Variants in RIMBP2 observed in about 807,000 individuals in gnomAD.
RIMBP2 encodes the protein RIMS binding protein 2, also known as RIMS-binding protein 2.
Under a neutral mutation model 118.6 loss-of-function variants are expected in RIMBP2, and 48 were observed. The observed-to-expected ratio is 0.40, with a 90% CI of 0.32 to 0.51. The LOEUF is 0.51. Among genes scored for constraint, RIMBP2 ranks in the 20% least tolerant of loss-of-function variants. The pLI is 0.41. For synonymous variants in RIMBP2, 762 were observed against 742.9 expected (o/e 1.03, Z -0.42); for missense variants, 1,551 against 1,768.3 (o/e 0.88, Z 2.20).
chr12:130,534,946 AT>A, intron 2 of RIMBP2, among the ~76,000 whole-genome samples: 1 of 152,298 alleles, frequency 6.6e-6, no homozygotes, highest in African/African-American at 2.4e-5. Context: ...GGCCACTATT[AT>A]TTTTGAAGTG....
chr12:130,534,823 C>A (rs2053841730), intron 2 of RIMBP2, among the ~76,000 whole-genome samples: 1 of 152,216 alleles, frequency 6.6e-6, no homozygotes, highest in Non-Finnish European at 1.5e-5. Context: ...TGAAGATCAT[C>A]CATGGTGGTT....
chr12:130,650,057 C>T (rs1228005059), intron 1 of RIMBP2, among the ~76,000 whole-genome samples: 1 of 151,980 alleles, frequency 6.6e-6, no homozygotes, highest in East Asian at 1.9e-4. Context: ...TGAGGACCTG[C>T]TCCTCCAGTG....
chr12:130,597,162 A>G (rs2059610637), intron 2 of RIMBP2, among the ~76,000 whole-genome samples: 1 of 152,280 alleles, frequency 6.6e-6, no homozygotes, highest in Admixed American at 6.5e-5. Context: ...ACTATGACTC[A>G]TAAACAAAAA....
intron 1 of RIMBP2, among the ~76,000 whole-genome samples, chr12:130,691,555 C>T (rs1291291974): frequency 6.6e-6 from 1 of 152,120 alleles, no homozygotes; most frequent in East Asian, 1.9e-4. Context: ...ACTGGAATCC[C>T]AGCTACTTGG....
chr12:130,423,879 G>A (rs868038695), intron 16 of RIMBP2, among the ~76,000 whole-genome samples: 2 of 152,028 alleles, frequency 1.3e-5, no homozygotes, highest in African/African-American at 4.8e-5. Flanking sequence ...TTTAGATTCA[G>A]TTGTCCTTTA....
rs374636495 is a variant in RIMBP2, at chr12:130,442,699, C to G, written c.692-39G>C. The G allele has an allele frequency of 1.9e-6, 3 of 1,557,940 alleles. No homozygotes were observed. The Admixed American group carries it at 5.2e-5, about 27-fold the overall frequency. On this transcript the variant is annotated intron_variant, in intron 10 of 22. Coordinates refer to ENST00000690449, the MANE Select transcript of RIMBP2 (RefSeq NM_001393629.1). The surrounding 1 kb of genome is among the most constrained non-coding windows in gnomAD (Gnocchi z 6.9). ...GGACAGAGTTATCACCCAGCCAACA[C>G]AGCAGGGGCCTCGAGGCCCCCAGTG...
At chr12:130,480,505 C>A (rs1364633660) in intron 4 of RIMBP2, among the ~76,000 whole-genome samples, 1 of 152,252 alleles carries the variant, frequency 6.6e-6, no homozygotes, top group Admixed American at 6.5e-5. Context: ...GGGGGACCCA[C>A]ACGCCTTCCT....
At chr12:130,686,827 G>C (rs997164795) in intron 1 of RIMBP2, among the ~76,000 whole-genome samples, 7 of 152,204 alleles carry the variant, frequency 4.6e-5, no homozygotes, top group Non-Finnish European at 7.3e-5. Context: ...AAAAGGTGTC[G>C]AGGCGGGAAG....
At chr12:130,472,909 A>G (rs1054599376) in intron 5 of RIMBP2, among the ~76,000 whole-genome samples, 1 of 152,198 alleles carries the variant, frequency 6.6e-6, no homozygotes, top group African/African-American at 2.4e-5. Context: ...TCGAAGGCCG[A>G]AAACTGTTCC....
chr12:130,421,321 C>T (rs923115113), intron 17 of RIMBP2, among the ~76,000 whole-genome samples: 3 of 152,184 alleles, frequency 2.0e-5, no homozygotes, highest in African/African-American at 7.2e-5. Flanking sequence ...TTTTATTACT[C>T]AGTTAACTGA....
intron 16 of RIMBP2, among the ~76,000 whole-genome samples, chr12:130,423,656 CAAAAAAAA>C (rs36000671): frequency 2.0e-5 from 1 of 50,130 alleles, no homozygotes; most frequent in African/African-American, 8.0e-5. Context: ...AAACAATATG[CAAAAAAAA>C]AAAAAAAAAA....
intron 2 of RIMBP2, among the ~76,000 whole-genome samples, chr12:130,610,093 CG>C (rs2060422553): frequency 1.3e-5 from 2 of 152,260 alleles, no homozygotes; most frequent in African/African-American, 4.8e-5. Flanking sequence ...TCAACCATCA[CG>C]GGGGGAAAAT....
chr12:130,399,801 C>T lies in RIMBP2; in HGVS notation c.3778G>A (p.Gly1260Arg), dbSNP rs1345327331. The T allele has an allele frequency of 6.2e-7, 1 of 1,614,158 alleles. No individual in the cohort carries two copies. Among genetic ancestry groups the T allele is most frequent in the Non-Finnish European group, 8.5e-7 (1 of 1,180,012 alleles). Residue 1260 changes from glycine to arginine, a missense_variant, in exon 22 of 23, where the codon GGG becomes AGG. Coordinates refer to ENST00000690449, the MANE Select transcript of RIMBP2 (RefSeq NM_001393629.1). ...TTTGAGGGCACAAGGCCTTTCTGCC[C>T]ATTCAGCTCCCCCTAAAACACCAGG... ...EDGFYYGELNGQKGLVPSNFL... is the reference protein window; with the variant it reads ...EDGFYYGELNRQKGLVPSNFL...
intron 1 of RIMBP2, among the ~76,000 whole-genome samples, chr12:130,700,283 G>A (rs1010112274): frequency 3.3e-5 from 5 of 152,020 alleles, no homozygotes; most frequent in Non-Finnish European, 4.4e-5. Flanking sequence ...CCCATTCCCC[G>A]GAAAGATGCC....
chr12:130,598,044 G>A (rs2059654990), intron 2 of RIMBP2, among the ~76,000 whole-genome samples: 1 of 152,164 alleles, frequency 6.6e-6, no homozygotes, highest in African/African-American at 2.4e-5. Context: ...TGGCAAGGTA[G>A]CAGAAAAGGA....
chr12:130,400,758 T>C (rs1565977386), intron 21 of RIMBP2, among the ~76,000 whole-genome samples: 2 of 152,208 alleles, frequency 1.3e-5, no homozygotes, highest in African/African-American at 2.4e-5. Flanking sequence ...CCAGAACATA[T>C]AAAGAACATC....
At chr12:130,607,347 G>A (rs776538438) in intron 2 of RIMBP2, among the ~76,000 whole-genome samples, 17 of 152,118 alleles carry the variant, frequency 1.1e-4, no homozygotes, top group Admixed American at 7.9e-4. Flanking sequence ...ACCCATGACC[G>A]CATCTGCTCA....
intron 1 of RIMBP2, among the ~76,000 whole-genome samples, chr12:130,637,178 G>T (rs1305346908): frequency 6.6e-6 from 1 of 152,210 alleles, no homozygotes; most frequent in Admixed American, 6.5e-5. Context: ...TGCCTCTGCT[G>T]CCTCATCCTG....
intron 2 of RIMBP2, among the ~76,000 whole-genome samples, chr12:130,546,672 A>G (rs4628716): frequency 0.24 from 36,246 of 152,122 alleles, 4,538 homozygotes; most frequent in South Asian, 0.32. Context: ...CCTTCTTTTC[A>G]TGCAAAACGA....
Sources: allele counts gnomAD v4.1 joint callset (sites outside exome capture counted in the v4.1 genomes callset), GRCh38; gene constraint gnomAD v4.1.1; non-coding constraint Gnocchi (gnomAD v3.1); transcripts MANE v1.5; gene names NCBI Gene and HGNC (gene_info 2026-07-23, HGNC 2026-07-21).